Variants in IQCM observed in about 807,000 individuals in gnomAD.
IQCM encodes the protein IQ domain-containing protein M.
In IQCM, 45 loss-of-function variants were observed where a neutral mutation model predicts 57.6. That is an observed-to-expected ratio of 0.78 (90% confidence interval 0.62 to 1.00). The LOEUF is 1.00. Among genes scored for constraint, IQCM ranks in the 50% least tolerant of loss-of-function variants. The pLI, the probability that IQCM is intolerant of heterozygous loss-of-function variation, is 0.00. For synonymous variants in IQCM, 148 were observed against 158.9 expected (o/e 0.93, Z 0.51); for missense variants, 468 against 511.6 (o/e 0.91, Z 0.82).
chr4:149,682,480 C>T (rs567124604), intron 6 of IQCM, among the ~76,000 whole-genome samples: 7 of 151,076 alleles, frequency 4.6e-5, no homozygotes, highest in Admixed American at 6.6e-5. Flanking sequence ...GGAAAATGAA[C>T]AAGCATCATA....
intron 12 of IQCM, among the ~76,000 whole-genome samples, chr4:149,540,803 C>T (rs1030940218): frequency 3.3e-5 from 5 of 152,098 alleles, no homozygotes; most frequent in Non-Finnish European, 5.9e-5. Context: ...AGGAGCCTCA[C>T]GCCATTCTCA....
intron 10 of IQCM, among the ~76,000 whole-genome samples, chr4:149,562,826 T>A (rs1750258409): frequency 6.6e-6 from 1 of 152,208 alleles, no homozygotes; most frequent in Non-Finnish European, 1.5e-5. Context: ...GGCAGATGGA[T>A]TAACTCTAAC....
intron 6 of IQCM, among the ~76,000 whole-genome samples, chr4:149,684,684 T>A (rs57210676): frequency 0.01 from 1,569 of 151,504 alleles, 28 homozygotes; most frequent in African/African-American, 0.036. Flanking sequence ...TCAAAAAAAA[T>A]TTTTGCCTAA....
chr4:149,651,872 C>T (rs150203263), intron 7 of IQCM, among the ~76,000 whole-genome samples: 3,309 of 152,116 alleles, frequency 0.022, 95 homozygotes, highest in South Asian at 0.14. Context: ...ATTAGTTCAA[C>T]CATTATGGAA....
At chr4:149,721,261 A>G (rs1346277499) in intron 5 of IQCM, among the ~76,000 whole-genome samples, 1 of 152,150 alleles carries the variant, frequency 6.6e-6, no homozygotes, top group East Asian at 1.9e-4. Flanking sequence ...GTTATATGCA[A>G]ATACGCCATT....
intron 2 of IQCM, among the ~76,000 whole-genome samples, chr4:149,791,063 A>T (rs554282165): frequency 2.6e-5 from 4 of 152,290 alleles, no homozygotes; most frequent in African/African-American, 9.6e-5. Flanking sequence ...ATAGATAATC[A>T]GACCTTCAGT....
chr4:149,778,278 AG>A (rs2150003215), intron 2 of IQCM, among the ~76,000 whole-genome samples: 1 of 152,228 alleles, frequency 6.6e-6, no homozygotes, highest in Non-Finnish European at 1.5e-5. Flanking sequence ...CAGGAGGCTG[AG>A]GCAGGAGAAT....
intron 12 of IQCM, among the ~76,000 whole-genome samples, chr4:149,434,404 T>A (rs908411687): frequency 2.0e-5 from 3 of 152,114 alleles, no homozygotes; most frequent in African/African-American, 7.2e-5. Context: ...TTTTGGTTGA[T>A]AAGCCAGGGT....
At chr4:149,776,453 A>T (rs532187831) in intron 2 of IQCM, among the ~76,000 whole-genome samples, 71 of 152,290 alleles carry the variant, frequency 4.7e-4, no homozygotes, top group Non-Finnish European at 7.9e-4. Flanking sequence ...ATATCTTTCC[A>T]CTATAACACA....
At chr4:149,565,206 C>A (rs191843870) in intron 9 of IQCM, among the ~76,000 whole-genome samples, 1 of 152,220 alleles carries the variant, frequency 6.6e-6, no homozygotes, top group African/African-American at 2.4e-5. Flanking sequence ...ATCCCAGACC[C>A]AAGTTTCTTG....
At chr4:149,507,540 C>T (rs1446548271) in intron 12 of IQCM, among the ~76,000 whole-genome samples, 1 of 152,076 alleles carries the variant, frequency 6.6e-6, no homozygotes, top group Non-Finnish European at 1.5e-5. Flanking sequence ...TGGCATTTTG[C>T]CCCTGCCCTA....
chr4:149,374,673 T>G (rs1208102884), intron 13 of IQCM, among the ~76,000 whole-genome samples: 1 of 152,046 alleles, frequency 6.6e-6, no homozygotes, highest in African/African-American at 2.4e-5. Flanking sequence ...TGAAAGGAAG[T>G]TTTGTTTGTT....
chr4:149,714,407 T>C (rs1764821337), intron 5 of IQCM, among the ~76,000 whole-genome samples: 1 of 152,194 alleles, frequency 6.6e-6, no homozygotes, highest in African/African-American at 2.4e-5. Flanking sequence ...TAAACTGAGG[T>C]ATCTCAGGTT....
intron 2 of IQCM, among the ~76,000 whole-genome samples, chr4:149,796,688 C>T (rs1313515208): frequency 1.3e-5 from 2 of 152,114 alleles, no homozygotes. Flanking sequence ...AGTCACTCCA[C>T]CTCCAGCTTC....
At chr4:149,694,460 T>C (rs947112373) in intron 5 of IQCM, among the ~76,000 whole-genome samples, 10 of 152,032 alleles carry the variant, frequency 6.6e-5, no homozygotes, top group Non-Finnish European at 1.0e-4. Context: ...CTTTCTCAGA[T>C]ACCGTAGATA....
At position 149,380,243 on chromosome 4, in the gene IQCM, T is replaced by A. The variant is rs549568383; in HGVS notation, c.1391-28177A>T. 1.2e-4 allele frequency among the ~76,000 whole-genome samples: 19 copies of A among 152,160 alleles called. No homozygotes were observed. In the South Asian group the frequency reaches 3.5e-3, roughly 28 times the overall value. ...TCGTGTGTGTGTGTGTGTGTGTGTG[T>A]GAAAAGATTATTGTATTAGCAATTC... is the stretch of plus-strand genomic sequence containing the variant. On this transcript the variant is annotated intron_variant, in intron 13 of 13. Coordinates refer to ENST00000636793, the MANE Select transcript of IQCM (RefSeq NM_001363507.2).
chr4:149,518,924 AG>A (rs1172644927), intron 12 of IQCM, among the ~76,000 whole-genome samples: 1 of 152,234 alleles, frequency 6.6e-6, no homozygotes, highest in Non-Finnish European at 1.5e-5. Flanking sequence ...AGAGGTAAAA[AG>A]GAAACAAAGA....
At chr4:149,565,704 G>C (rs1750559255) in intron 9 of IQCM, among the ~76,000 whole-genome samples, 1 of 152,096 alleles carries the variant, frequency 6.6e-6, no homozygotes, top group African/African-American at 2.4e-5. Flanking sequence ...ATTTGTTGAA[G>C]CACAGAAAAT....
intron 12 of IQCM, among the ~76,000 whole-genome samples, chr4:149,497,449 C>T (rs2149786596): frequency 6.6e-6 from 1 of 152,150 alleles, no homozygotes; most frequent in East Asian, 1.9e-4. Flanking sequence ...GCTAGGTAGG[C>T]CTCACAATCA....
Sources: gnomAD v4.1 joint callset for allele counts (sites outside exome capture counted in the v4.1 genomes callset) on GRCh38, gnomAD v4.1.1 for gene constraint, MANE v1.5 for transcripts, NCBI Gene and HGNC (gene_info 2026-07-23, HGNC 2026-07-21) for gene names.